The following KCNIP4 variants were observed in gnomAD, a reference collection of about 807,000 sequenced individuals.
The protein encoded by KCNIP4 is Kv channel-interacting protein 4.
In KCNIP4, 12 loss-of-function variants were observed where a neutral mutation model predicts 34.0. That is an observed-to-expected ratio of 0.35 (90% CI 0.23 to 0.57). KCNIP4 has a LOEUF of 0.57. Among genes scored for constraint, KCNIP4 ranks in the 20% least tolerant of loss-of-function variants. The pLI is 0.83. For synonymous variants in KCNIP4, 124 were observed against 102.2 expected (o/e 1.21, Z -1.29); for missense variants, 238 against 311.7 (o/e 0.76, Z 1.78).
At chr4:21,632,918 T>A (rs893299880) in intron 1 of KCNIP4, among the ~76,000 whole-genome samples, 2 of 152,208 alleles carry the variant, frequency 1.3e-5, no homozygotes, top group African/African-American at 4.8e-5. Flanking sequence ...AGAGTTTGCA[T>A]AATTGTACAT....
At chr4:21,092,090 G>C (rs1367292675) in intron 1 of KCNIP4, among the ~76,000 whole-genome samples, 1 of 152,046 alleles carries the variant, frequency 6.6e-6, no homozygotes, top group Non-Finnish European at 1.5e-5. Flanking sequence ...ACTATCACGA[G>C]CTTCCTCTCT....
At chr4:21,700,979 A>G (rs1167338139) in intron 1 of KCNIP4, among the ~76,000 whole-genome samples, 2 of 152,182 alleles carry the variant, frequency 1.3e-5, no homozygotes, top group African/African-American at 4.8e-5. Flanking sequence ...ATGATTCACA[A>G]TAGCCAAGAT....
chr4:21,329,984 A>T (rs1715465892), intron 1 of KCNIP4, among the ~76,000 whole-genome samples: 1 of 152,184 alleles, frequency 6.6e-6, no homozygotes, highest in South Asian at 2.1e-4. Context: ...ACATATTAAC[A>T]GGTTTCCCGT....
chr4:21,873,228 T>G (rs2109369499), intron 1 of KCNIP4, among the ~76,000 whole-genome samples: 1 of 152,340 alleles, frequency 6.6e-6, no homozygotes, highest in East Asian at 1.9e-4. Flanking sequence ...AGGTGATATA[T>G]ACTTGAAACG....
chr4:21,470,823 CAAA>C (rs61211007), intron 1 of KCNIP4, among the ~76,000 whole-genome samples: 1 of 148,182 alleles, frequency 6.7e-6, no homozygotes, highest in Non-Finnish European at 1.5e-5. Flanking sequence ...GATAATTTAA[CAAA>C]AAAAAAAAAG....
At position 20,786,704 on chromosome 4, in the gene KCNIP4, T is replaced by C. The variant is rs565038749; in HGVS notation, c.289-27814A>G. Among the ~76,000 whole-genome samples, 9 of 152,302 alleles carry C rather than the reference T, an allele frequency of 5.9e-5. No individual in the cohort carries two copies. In the South Asian group the frequency reaches 1.9e-3, roughly 32 times the overall value. ...CATTTAGAATGTACACTGTGCTTTA[T>C]AATACATATGGCCACTACCAATTTC... On this transcript the variant is annotated intron_variant, in intron 3 of 8. Coordinates refer to ENST00000382152, the MANE Select transcript of KCNIP4 (RefSeq NM_025221.6).
intron 2 of KCNIP4, among the ~76,000 whole-genome samples, chr4:20,859,974 C>T (rs1199917881): frequency 6.6e-6 from 1 of 152,174 alleles, no homozygotes; most frequent in Non-Finnish European, 1.5e-5. Flanking sequence ...CACTGTGAGG[C>T]TGTTGCCTTG....
At chr4:21,733,556 A>G (rs915202574) in intron 1 of KCNIP4, among the ~76,000 whole-genome samples, 25 of 152,188 alleles carry the variant, frequency 1.6e-4, no homozygotes, top group Non-Finnish European at 3.2e-4. Flanking sequence ...AAGACAATGC[A>G]TGTCCATGGG....
intron 1 of KCNIP4, among the ~76,000 whole-genome samples, chr4:21,928,500 A>C (rs571713694): frequency 6.6e-6 from 1 of 152,162 alleles, no homozygotes; most frequent in African/African-American, 2.4e-5. Flanking sequence ...CTGTAATCAA[A>C]GAGTAAATCA....
intron 1 of KCNIP4, among the ~76,000 whole-genome samples, chr4:21,423,159 C>A (rs1417923179): frequency 1.3e-5 from 2 of 152,154 alleles, no homozygotes; most frequent in Non-Finnish European, 2.9e-5. Context: ...AGTAATATTT[C>A]TTTTGCACTC....
intron 1 of KCNIP4, among the ~76,000 whole-genome samples, chr4:20,983,244 C>A (rs1392081269): frequency 1.3e-5 from 2 of 152,170 alleles, no homozygotes; most frequent in African/African-American, 2.4e-5. Context: ...CACACATGAG[C>A]AATGAGACTC....
At chr4:21,268,409 G>T (rs540863724) in intron 1 of KCNIP4, among the ~76,000 whole-genome samples, 43 of 152,260 alleles carry the variant, frequency 2.8e-4, no homozygotes, top group Admixed American at 7.2e-4. Context: ...ATAAATATTT[G>T]TATAGGGATG....
At chr4:20,995,799 C>T (rs529417177) in intron 1 of KCNIP4, among the ~76,000 whole-genome samples, 123 of 152,134 alleles carry the variant, frequency 8.1e-4, no homozygotes, top group Admixed American at 9.2e-4. Flanking sequence ...ATGTTGACAC[C>T]GGTTATGTAC....
intron 1 of KCNIP4, among the ~76,000 whole-genome samples, chr4:21,710,427 G>A (rs1503976): frequency 0.31 from 46,567 of 152,114 alleles, 9,166 homozygotes; most frequent in Non-Finnish European, 0.43. Flanking sequence ...AAATCAGTCA[G>A]GGAACAAATG....
intron 1 of KCNIP4, among the ~76,000 whole-genome samples, chr4:21,408,344 A>G (rs1234270747): frequency 2.0e-5 from 3 of 152,190 alleles, no homozygotes; most frequent in African/African-American, 7.2e-5. Context: ...AATCAGGAGA[A>G]TGTTCAAAGA....
At chr4:21,196,952 A>G (rs969919877) in intron 1 of KCNIP4, among the ~76,000 whole-genome samples, 12 of 152,098 alleles carry the variant, frequency 7.9e-5, no homozygotes, top group Non-Finnish European at 1.6e-4. Flanking sequence ...TTCCCACTCA[A>G]TCTCTGCACC....
intron 1 of KCNIP4, among the ~76,000 whole-genome samples, chr4:21,353,196 G>C (rs1718196846): frequency 6.6e-6 from 1 of 152,170 alleles, no homozygotes; most frequent in Non-Finnish European, 1.5e-5. Flanking sequence ...GGAGAAACCA[G>C]AGCAGAAAAG....
At chr4:21,780,436 A>T (rs887360707) in intron 1 of KCNIP4, among the ~76,000 whole-genome samples, 2 of 152,134 alleles carry the variant, frequency 1.3e-5, no homozygotes, top group African/African-American at 4.8e-5. Context: ...CACCACCTCC[A>T]CCACTCTCAA....
intron 1 of KCNIP4, among the ~76,000 whole-genome samples, chr4:21,279,694 A>G (rs1762660196): frequency 6.6e-6 from 1 of 151,920 alleles, no homozygotes; most frequent in Non-Finnish European, 1.5e-5. Context: ...CAGTAGATGG[A>G]CCTCCCTGTT....
Sources: gnomAD v4.1 joint callset for allele counts (sites outside exome capture counted in the v4.1 genomes callset) on GRCh38, gnomAD v4.1.1 for gene constraint, MANE v1.5 for transcripts, NCBI Gene and HGNC (gene_info 2026-07-23, HGNC 2026-07-21) for gene names.